IQCM: variants seen among roughly 807,000 people sequenced by gnomAD.
IQCM encodes the protein IQ domain-containing protein M.
In IQCM, 45 loss-of-function variants were observed where a neutral mutation model predicts 57.6. The ratio of observed to expected loss-of-function variants is 0.78; its 90% CI spans 0.62 to 1.00. IQCM has a LOEUF of 1.00. IQCM is among the 50% of genes least tolerant of loss of function. The pLI is 0.00. For synonymous variants in IQCM, 148 were observed against 158.9 expected (o/e 0.93, Z 0.51); for missense variants, 468 against 511.6 (o/e 0.91, Z 0.82).
intron 12 of IQCM, among the ~76,000 whole-genome samples, chr4:149,513,051 C>T (rs938837223): frequency 6.6e-6 from 1 of 152,170 alleles, no homozygotes; most frequent in Non-Finnish European, 1.5e-5. Flanking sequence ...CCCAAATTCA[C>T]TCTAGGTTAC....
intron 9 of IQCM, among the ~76,000 whole-genome samples, chr4:149,570,178 C>T (rs1031532761): frequency 6.6e-6 from 1 of 151,774 alleles, no homozygotes; most frequent in Non-Finnish European, 1.5e-5. Flanking sequence ...ATATAAAATG[C>T]CTTTACTGAG....
chr4:149,639,425 TAA>T (rs1284156035), intron 7 of IQCM, among the ~76,000 whole-genome samples: 47 of 120,264 alleles, frequency 3.9e-4, no homozygotes, highest in Non-Finnish European at 3.9e-4. Context: ...GATCCTGTCT[TAA>T]AAAAAAAAAA....
chr4:149,392,581 T>A (rs1731943122), intron 13 of IQCM, among the ~76,000 whole-genome samples: 1 of 152,010 alleles, frequency 6.6e-6, no homozygotes, highest in Non-Finnish European at 1.5e-5. Flanking sequence ...TTTTCCCTCA[T>A]GAGTTTAATA....
At chr4:149,565,835 A>G (rs1750575571) in intron 9 of IQCM, among the ~76,000 whole-genome samples, 1 of 152,174 alleles carries the variant, frequency 6.6e-6, no homozygotes, top group Non-Finnish European at 1.5e-5. Flanking sequence ...AACGAAATAA[A>G]TTAGCCTTGT....
intron 9 of IQCM, among the ~76,000 whole-genome samples, chr4:149,586,773 T>C (rs1030780914): frequency 7.2e-5 from 11 of 151,792 alleles, no homozygotes; most frequent in Non-Finnish European, 1.5e-4. Context: ...ATAGCTTTTA[T>C]TTCTGCACTG....
intron 2 of IQCM, among the ~76,000 whole-genome samples, chr4:149,757,525 T>G (rs559301336): frequency 6.6e-6 from 1 of 151,740 alleles, no homozygotes. Context: ...ACAAAAAAAT[T>G]TGTAGCAATA....
At chr4:149,691,000 A>T (rs553979329) in intron 5 of IQCM, 1 of 152,144 alleles carries the variant, frequency 6.6e-6, no homozygotes, top group Non-Finnish European at 1.5e-5. Flanking sequence ...AGGTAACTAT[A>T]AAGCTCAGAG....
At chr4:149,597,542 C>G (rs1561040396) in intron 8 of IQCM, among the ~76,000 whole-genome samples, 1 of 152,122 alleles carries the variant, frequency 6.6e-6, no homozygotes, top group Non-Finnish European at 1.5e-5. Flanking sequence ...AGGCCCACGC[C>G]ACCATGGCCA....
chr4:149,790,282 G>T, intron 2 of IQCM: 1 of 249,824 alleles, frequency 4.0e-6, no homozygotes. Flanking sequence ...ATGGAGAAGA[G>T]CCTGCTAGTT....
intron 5 of IQCM, among the ~76,000 whole-genome samples, chr4:149,695,695 G>A (rs1763282488): frequency 6.6e-6 from 1 of 152,034 alleles, no homozygotes; most frequent in Non-Finnish European, 1.5e-5. Context: ...CATAAGAGAG[G>A]GCAAATAATA....
chr4:149,433,463 G>T lies in IQCM; in HGVS notation c.1323C>A (p.Asp441Glu). 1 of 1,224,318 alleles carries T rather than the reference G, an allele frequency of 8.2e-7. No homozygotes were observed. The highest frequency in any genetic ancestry group is 1.0e-6 in the Non-Finnish European group (1 of 981,228). The allele number at this position is 1,224,318 out of a possible 1,614,324, so 75.8% of individuals were successfully genotyped here. The stretch of plus-strand genomic sequence containing the variant: ...ACCAAGTCGACTTGAGTAGTGTACT[G>T]TCAGGCACATGTGCACCTTCAGGAG... ...LYPPEGAHVP[D>E]STLLKSTWLR... The change falls in exon 13 of 14, where the codon GAC (aspartate) becomes GAA (glutamate). Residue 441 changes from aspartate to glutamate, a missense_variant. Coordinates refer to ENST00000636793, the MANE Select transcript of IQCM (RefSeq NM_001363507.2).
intron 7 of IQCM, among the ~76,000 whole-genome samples, chr4:149,640,257 T>C (rs1444878527): frequency 6.6e-6 from 1 of 152,194 alleles, no homozygotes; most frequent in Non-Finnish European, 1.5e-5. Context: ...AATTGGATAT[T>C]AATCCCCTCA....
intron 13 of IQCM, among the ~76,000 whole-genome samples, chr4:149,386,006 C>T (rs557393776): frequency 6.6e-6 from 1 of 152,172 alleles, no homozygotes; most frequent in African/African-American, 2.4e-5. Context: ...CTAGTCAGCT[C>T]TTTAATGTGA....
intron 5 of IQCM, among the ~76,000 whole-genome samples, chr4:149,731,178 T>C (rs1435270606): frequency 6.6e-6 from 1 of 152,184 alleles, no homozygotes; most frequent in Non-Finnish European, 1.5e-5. Flanking sequence ...TCCAATGTGA[T>C]AGTATTAAGA....
At chr4:149,680,491 A>ATAT (rs1762101414) in intron 7 of IQCM, among the ~76,000 whole-genome samples, 1 of 151,086 alleles carries the variant, frequency 6.6e-6, no homozygotes, top group Non-Finnish European at 1.5e-5. Context: ...TTTTAGCCTA[A>ATAT]TGTGCAGAGA....
In IQCM at chr4:149,368,901, C is replaced by T. The variant is rs201581673; in HGVS notation, c.1391-16835G>A. Among the ~76,000 whole-genome samples the T allele has an allele frequency of 1.3e-3, 90 of 70,458 alleles. 15 individuals are homozygous for T. The South Asian group carries it at 0.027, about 21-fold the overall frequency. The allele number at this position is 70,458 out of a possible 152,430, so 46.2% of individuals were successfully genotyped here. A position where few individuals can be genotyped will look rare whatever the true frequency, so the allele number is the denominator to read the frequency against. On this transcript the variant is annotated intron_variant, in intron 13 of 13. Transcript: ENST00000636793. Reference sequence around the variant, plus strand: ...ACGTGTATATATATGTATATATATACACGTGTATATATATGTGTATATATA... The same window carrying T: ...ACGTGTATATATATGTATATATATATACGTGTATATATATGTGTATATATA...
intron 7 of IQCM, among the ~76,000 whole-genome samples, chr4:149,637,868 G>A (rs1757858953): frequency 6.6e-6 from 1 of 152,056 alleles, no homozygotes; most frequent in South Asian, 2.1e-4. Context: ...AAACAACAAA[G>A]CTACCGAAGA....
At chr4:149,536,227 G>T (rs1747277271) in intron 12 of IQCM, among the ~76,000 whole-genome samples, 1 of 152,030 alleles carries the variant, frequency 6.6e-6, no homozygotes, top group Admixed American at 6.6e-5. Flanking sequence ...GTAGGCAGAT[G>T]ATAGGTAAAT....
chr4:149,679,478 T>C (rs1265854847), intron 7 of IQCM, among the ~76,000 whole-genome samples: 1 of 151,566 alleles, frequency 6.6e-6, no homozygotes, highest in Non-Finnish European at 1.5e-5. Flanking sequence ...CAGTTTACAA[T>C]AATCTATTGC....
Sources: gnomAD v4.1 joint callset for allele counts (sites outside exome capture counted in the v4.1 genomes callset) on GRCh38, gnomAD v4.1.1 for gene constraint, MANE v1.5 for transcripts, NCBI Gene and HGNC (gene_info 2026-07-23, HGNC 2026-07-21) for gene names.